The following TAMM41 variants were observed in gnomAD, a reference collection of about 807,000 sequenced individuals.
TAMM41 encodes TAM41 mitochondrial translocator assembly and maintenance homolog.
TAMM41 carries 36 observed loss-of-function variants against 44.1 expected under a neutral mutation model. The observed-to-expected ratio is 0.82, with a 90% CI of 0.63 to 1.08. The LOEUF is 1.08. TAMM41 is among the 50% of genes least tolerant of loss of function. The probability of loss-of-function intolerance (pLI) is 0.00; values close to 1 mark genes in which losing one functional copy is unlikely to be tolerated. For synonymous variants in TAMM41, 164 were observed against 153.1 expected (o/e 1.07, Z -0.53); for missense variants, 417 against 404.3 (o/e 1.03, Z -0.27).
At chr3:11,806,956 G>A (rs187482808) in intron 7 of TAMM41, among the ~76,000 whole-genome samples, 390 of 152,220 alleles carry the variant, frequency 2.6e-3, no homozygotes, top group Non-Finnish European at 4.6e-3. Context: ...TTAAAGGAAA[G>A]TGATTTCTAA....
rs929132459 is a variant in TAMM41, at chr3:11,805,019, T to G, written c.937+2814A>C. Reference sequence around the variant, plus strand: ...CCCTTTTTTTTTTTTTTTTTTTTTTTTTTTTGAGACGAAGTCTCACTCTCG... The same window carrying G: ...CCCTTTTTTTTTTTTTTTTTTTTTTGTTTTTGAGACGAAGTCTCACTCTCG... On this transcript the variant is annotated intron_variant, in intron 7 of 7. Transcript: ENST00000455809. 2.0e-4 allele frequency among the ~76,000 whole-genome samples: 29 copies of G among 144,416 alleles called. 1 individual carries two copies. In the East Asian group the frequency reaches 5.7e-3, roughly 28 times the overall value. The allele number at this position is 144,416 out of a possible 152,430, so 94.7% of individuals were successfully genotyped here. A position where few individuals can be genotyped will look rare whatever the true frequency, so the allele number is the denominator to read the frequency against.
intron 6 of TAMM41, chr3:11,809,314 A>T: frequency 1.7e-6 from 1 of 590,096 alleles, no homozygotes; most frequent in Non-Finnish European, 2.9e-6. Flanking sequence ...GGAATTTAAA[A>T]ACAGAAGTAT....
chr3:11,735,484 A>G, the TAMM41 span, among the ~76,000 whole-genome samples: 3 of 151,676 alleles, frequency 2.0e-5, no homozygotes, highest in African/African-American at 7.3e-5. Flanking sequence ...AAGTACAAAA[A>G]TTAGCCAGGT....
chr3:11,761,824 G>A, the TAMM41 span, among the ~76,000 whole-genome samples: 2 of 151,554 alleles, frequency 1.3e-5, no homozygotes, highest in Non-Finnish European at 2.9e-5. Context: ...GCGAGCACCT[G>A]TAATCCCAGC....
the TAMM41 span, among the ~76,000 whole-genome samples, chr3:11,742,934 C>T: frequency 6.6e-6 from 1 of 152,050 alleles, no homozygotes; most frequent in Non-Finnish European, 1.5e-5. Context: ...GACTGGGGAG[C>T]TCTCTCCCTT....
chr3:11,764,131 G>A, the TAMM41 span, among the ~76,000 whole-genome samples: 1 of 152,024 alleles, frequency 6.6e-6, no homozygotes, highest in African/African-American at 2.4e-5. Flanking sequence ...AGCCTCCCGA[G>A]TAGCTTGGAC....
the TAMM41 span, among the ~76,000 whole-genome samples, chr3:11,776,470 G>T: frequency 3.0e-4 from 45 of 152,186 alleles, no homozygotes; most frequent in African/African-American, 1.1e-3. Flanking sequence ...CCTTTGCTAT[G>T]TGTGGACATG....
intron 5 of TAMM41, among the ~76,000 whole-genome samples, chr3:11,815,471 C>T (rs2078243153): frequency 6.6e-6 from 1 of 152,002 alleles, no homozygotes; most frequent in Admixed American, 6.6e-5. Flanking sequence ...ACCTAAGCAA[C>T]TGAAAAAATA....
chr3:11,844,838 A>AT, intron 1 of TAMM41: 1 of 447,670 alleles, frequency 2.2e-6, no homozygotes, highest in African/African-American at 2.0e-5. Flanking sequence ...ACTGGAGAGA[A>AT]TAAACAAATT....
At chr3:11,770,889 C>G in the TAMM41 span, among the ~76,000 whole-genome samples, 1 of 152,140 alleles carries the variant, frequency 6.6e-6, no homozygotes, top group Non-Finnish European at 1.5e-5. Context: ...TCCCAGGTGT[C>G]TCTCCCCAGA....
chr3:11,770,369 ACTC>A, the TAMM41 span, among the ~76,000 whole-genome samples: 1 of 151,808 alleles, frequency 6.6e-6, no homozygotes, highest in Admixed American at 6.6e-5. Context: ...CTCTCTAACA[ACTC>A]CTGCACCTCT....
chr3:11,786,316 A>ATTATTTTTT (rs1553564672), downstream of TAMM41, among the ~76,000 whole-genome samples: 116 of 134,702 alleles, frequency 8.6e-4, no homozygotes, highest in Middle Eastern at 3.9e-3. Context: ...TATTATTATT[A>ATTATTTTTT]TTTTTTGAGA....
the TAMM41 span, among the ~76,000 whole-genome samples, chr3:11,730,796 C>T: frequency 6.6e-6 from 1 of 152,060 alleles, no homozygotes; most frequent in Non-Finnish European, 1.5e-5. Context: ...CTTACAAAAC[C>T]GCTTCCATTC....
chr3:11,793,422 T>C (rs569780112), intron 7 of TAMM41, among the ~76,000 whole-genome samples: 38 of 152,000 alleles, frequency 2.5e-4, no homozygotes, highest in Non-Finnish European at 4.7e-4. Flanking sequence ...ATGTGGACGA[T>C]TGTTTAGCAG....
intron 4 of TAMM41, among the ~76,000 whole-genome samples, chr3:11,827,638 A>G (rs2078811462): frequency 8.9e-6 from 1 of 112,386 alleles, no homozygotes; most frequent in East Asian, 7.1e-4. Context: ...GAAAAGAGGA[A>G]AAAAAAAAAA....
At chr3:11,730,428 A>AG in the TAMM41 span, among the ~76,000 whole-genome samples, 4 of 149,914 alleles carry the variant, frequency 2.7e-5, no homozygotes, top group African/African-American at 9.9e-5. Flanking sequence ...AAAAAAAAAA[A>AG]AAAAAGAAAA....
chr3:11,842,268 T>C (rs531961380), intron 2 of TAMM41, among the ~76,000 whole-genome samples: 15 of 151,574 alleles, frequency 9.9e-5, no homozygotes, highest in African/African-American at 3.4e-4. Context: ...AGTAGTGGGC[T>C]CTGTAATCCC....
chr3:11,731,962 G>A, the TAMM41 span, among the ~76,000 whole-genome samples: 4 of 151,840 alleles, frequency 2.6e-5, no homozygotes, highest in Non-Finnish European at 5.9e-5. Context: ...TGCCTCCTGG[G>A]TTCAAGCAAT....
chr3:11,810,538 A>G (rs1038563162), intron 5 of TAMM41, among the ~76,000 whole-genome samples: 4 of 152,234 alleles, frequency 2.6e-5, no homozygotes, highest in African/African-American at 9.6e-5. Flanking sequence ...TGCCAAGTGC[A>G]GAACCAGTAA....
Sources: allele counts gnomAD v4.1 joint callset (sites outside exome capture counted in the v4.1 genomes callset), GRCh38; gene constraint gnomAD v4.1.1; transcripts MANE v1.5; gene names NCBI Gene and HGNC (gene_info 2026-07-23, HGNC 2026-07-21).